The following SYNE3 variants were observed in gnomAD, a reference collection of about 807,000 sequenced individuals.
The protein encoded by SYNE3 is nesprin-3.
SYNE3 carries 100 observed loss-of-function variants against 111.2 expected under a neutral mutation model. That is an observed-to-expected ratio of 0.90 (90% confidence interval 0.77 to 1.06). The LOEUF (loss-of-function observed/expected upper bound fraction) is 1.06, where lower values mean the gene tolerates loss of function less well. Among genes scored for constraint, SYNE3 ranks in the 50% least tolerant of loss-of-function variants. The pLI is 0.00. For missense variants in SYNE3, 1,160 were observed against 1,240.3 expected, an observed-to-expected ratio of 0.94 and a Z score of 0.97; for synonymous variants, 547 against 533.9, an observed-to-expected ratio of 1.02 and a Z score of -0.34.
At chr14:95,492,109 C>G (rs1889880022) in intron 1 of SYNE3, among the ~76,000 whole-genome samples, 1 of 152,172 alleles carries the variant, frequency 6.6e-6, no homozygotes. Flanking sequence ...TAGCTATAAT[C>G]AAAGGAAGAT....
intron 11 of SYNE3, among the ~76,000 whole-genome samples, chr14:95,442,495 C>T (rs1220768255): frequency 1.3e-5 from 2 of 152,118 alleles, no homozygotes; most frequent in Non-Finnish European, 2.9e-5. Flanking sequence ...GAGGTGTGAG[C>T]ACCAGAGACC....
In SYNE3 at chr14:95,452,097, T is replaced by G. The variant is rs547667516; in HGVS notation, c.1274+150A>C. 4 of 969,542 alleles carry G rather than the reference T, an allele frequency of 4.1e-6. No individual in the cohort carries two copies. The East Asian group carries it at 7.9e-5, about 19-fold the overall frequency. The allele number at this position is 969,542 out of a possible 1,614,324, so 60.1% of individuals were successfully genotyped here. A position where few individuals can be genotyped will look rare whatever the true frequency, so the allele number is the denominator to read the frequency against. On this transcript the variant is annotated intron_variant, in intron 7 of 17. Transcript: ENST00000682763. ...CAAAGGGGACAGTGTCTGAGCCAAG[T>G]GAGAACCTCTAAAAGCCAGTCATTG...
chr14:95,493,885 T>G (rs540409858), intron 1 of SYNE3, among the ~76,000 whole-genome samples: 1 of 152,288 alleles, frequency 6.6e-6, no homozygotes, highest in East Asian at 1.9e-4. Context: ...TTTGTTGAGA[T>G]AATTTTTTTT....
At chr14:95,495,457 G>C (rs892467421) in intron 1 of SYNE3, among the ~76,000 whole-genome samples, 1 of 152,214 alleles carries the variant, frequency 6.6e-6, no homozygotes, top group Non-Finnish European at 1.5e-5. Flanking sequence ...GACTCCTGTT[G>C]GTTGGGTAAA....
In SYNE3 at chr14:95,439,917, A is replaced by G. The variant is rs199625562; in HGVS notation, c.2070T>C (p.Phe690=). ...GGTGAGGGAACCACCGCCTTACCTCAAACTCGGCCTCTTGGGACTCGGCAT... is the reference window on the plus strand; with the variant it reads ...GGTGAGGGAACCACCGCCTTACCTCGAACTCGGCCTCTTGGGACTCGGCAT... The part of the protein sequence containing the change: ...PGDAESQEAE[F]ERLVAEFPEK... The change falls in exon 12 of 18, where the codon TTT becomes TTC. Residue 690 remains phenylalanine (F), a synonymous_variant. Coordinates refer to ENST00000682763, the MANE Select transcript of SYNE3 (RefSeq NM_152592.6). The G allele has an allele frequency of 1.9e-5, 30 of 1,611,684 alleles. No homozygotes were observed. The East Asian group carries it at 6.5e-4, about 35-fold the overall frequency.
At chr14:95,460,478 C>T (rs1887732910) in intron 4 of SYNE3, among the ~76,000 whole-genome samples, 2 of 150,412 alleles carry the variant, frequency 1.3e-5, no homozygotes, top group African/African-American at 4.9e-5. Context: ...GCCTCAGCAT[C>T]TCAAAGTGCT....
chr14:95,447,672 C>T (rs558119426), intron 8 of SYNE3, among the ~76,000 whole-genome samples: 1 of 152,304 alleles, frequency 6.6e-6, no homozygotes, highest in East Asian at 1.9e-4. Flanking sequence ...GAGGTCAAGC[C>T]TCTCACTGTA....
chr14:95,443,184 C>T lies in SYNE3; in HGVS notation c.1882G>A (p.Asp628Asn), dbSNP rs753892119. Residue 628 changes from aspartate (D) to asparagine (N), a missense_variant, in exon 11 of 18, where the codon GAC (aspartate) becomes AAC (asparagine). By Grantham distance (23) the Asp-to-Asn change is conservative. Transcript: ENST00000682763. The stretch of plus-strand genomic sequence containing the variant: ...AGAGACCTCTGCAGGGCCTGGAAGT[C>T]GGAGGAAAGCTGGTCCATTTTGTGC... ...HQHKMDQLSS[D>N]FQALQRSLED... is the part of the protein sequence containing the mutation. 20 of 1,613,912 alleles carry T rather than the reference C, an allele frequency of 1.2e-5. 1 individual carries two copies. The highest frequency in any genetic ancestry group is 1.1e-4 in the East Asian group (5 of 44,896).
chr14:95,471,511 C>T (rs8015727), intron 2 of SYNE3, among the ~76,000 whole-genome samples: 5,237 of 152,254 alleles, frequency 0.034, 304 homozygotes, highest in African/African-American at 0.12. Flanking sequence ...AGACACCAAG[C>T]CCCCTTCCCC....
At chr14:95,433,127 G>A in intron 16 of SYNE3, 133 bp downstream of exon 16, 1 of 1,313,264 alleles carries the variant, frequency 7.6e-7, no homozygotes, top group Non-Finnish European at 1.0e-6. Flanking sequence ...CTCTGCCTGA[G>A]TGGTCACCAC....
rs565686773 is a variant in SYNE3 at position 95,496,913 on chromosome 14, C to A, written c.-15+19683G>T. 3.3e-5 allele frequency among the ~76,000 whole-genome samples: 5 copies of A among 152,366 alleles called. No homozygotes were observed. In the East Asian group the frequency reaches 9.6e-4, roughly 29 times the overall value. ...ACTATCCACTCTCGTACTCTTACACCCAAATGGTATTTTTCTGATCCGGAG... is the reference window on the plus strand; with the variant it reads ...ACTATCCACTCTCGTACTCTTACACACAAATGGTATTTTTCTGATCCGGAG... On this transcript the variant is annotated intron_variant, in intron 1 of 17. Transcript: ENST00000682763.
intron 12 of SYNE3, 56 bp downstream of exon 12, chr14:95,439,858 C>T (rs28390985): frequency 1.6e-5 from 25 of 1,592,338 alleles, no homozygotes; most frequent in Non-Finnish European, 2.1e-5. Flanking sequence ...GGTGTGGGAA[C>T]GTTGGCCTGT....
intron 1 of SYNE3, among the ~76,000 whole-genome samples, chr14:95,476,487 T>C (rs1224976357): frequency 6.6e-6 from 1 of 152,262 alleles, no homozygotes; most frequent in African/African-American, 2.4e-5. Flanking sequence ...CCGCTTGCTA[T>C]GCCGGCCCTA....
chr14:95,461,277 G>T (rs1017971566), intron 4 of SYNE3, among the ~76,000 whole-genome samples: 1 of 152,176 alleles, frequency 6.6e-6, no homozygotes, highest in Non-Finnish European at 1.5e-5. Context: ...AGACAGACGC[G>T]CCTTCTGTGA....
chr14:95,496,390 G>A (rs76027028), intron 1 of SYNE3, among the ~76,000 whole-genome samples: 9 of 152,288 alleles, frequency 5.9e-5, no homozygotes, highest in Non-Finnish European at 8.8e-5. Flanking sequence ...CTCTAACATG[G>A]CATTTCTTAA....
At position 95,409,207 on chromosome 14, in the gene SYNE3, C is replaced by G. The variant is rs900637008; in HGVS notation, c.*8619G>C. On this transcript the variant is annotated 3_prime_UTR_variant, in exon 18 of 18. Coordinates refer to ENST00000682763, the MANE Select transcript of SYNE3 (RefSeq NM_152592.6). ...CTGGGTACAAGTCCCAAATTTACCA[C>G]TCCCCGCCTAGCTGGCTGCTCTGAG... 4.4e-6 allele frequency: 2 copies of G among 456,810 alleles called. No homozygotes were observed. The highest frequency in any genetic ancestry group is 3.1e-5 in the South Asian group (2 of 64,574). 28.3% of individuals were successfully genotyped at this position (456,810 alleles called of 1,614,324 possible).
At chr14:95,487,877 G>T in intron 1 of SYNE3, among the ~76,000 whole-genome samples, 1 of 151,552 alleles carries the variant, frequency 6.6e-6, no homozygotes, top group East Asian at 1.9e-4. Context: ...GATGTCTTCT[G>T]CCCCTGCCAC....
At chr14:95,443,373 G>C in intron 10 of SYNE3, 84 bp from the exon 11 acceptor site, 1 of 1,519,492 alleles carries the variant, frequency 6.6e-7, no homozygotes, top group African/African-American at 1.4e-5. Context: ...GCCTCTGAGT[G>C]GGAGAGCCTG....
At chr14:95,469,875 G>A (rs1018676790) in intron 2 of SYNE3, among the ~76,000 whole-genome samples, 3 of 151,472 alleles carry the variant, frequency 2.0e-5, no homozygotes, top group African/African-American at 7.3e-5. Context: ...TACAATAATC[G>A]TTGATGATGA....
Sources: gnomAD v4.1 joint callset for allele counts (sites outside exome capture counted in the v4.1 genomes callset) on GRCh38, gnomAD v4.1.1 for gene constraint, MANE v1.5 for transcripts, NCBI Gene and HGNC (gene_info 2026-07-23, HGNC 2026-07-21) for gene names.